The following AP4S1 variants were observed in gnomAD, a reference collection of about 807,000 sequenced individuals.
AP4S1 encodes the protein adaptor related protein complex 4 subunit sigma 1, also known as AP-4 complex subunit sigma-1.
AP4S1 carries 23 observed loss-of-function variants against 19.8 expected under a neutral mutation model. The ratio of observed to expected loss-of-function variants is 1.16; its 90% CI spans 0.84 to 1.65. The LOEUF (loss-of-function observed/expected upper bound fraction) is 1.65. Ranked by LOEUF, AP4S1 falls within the 40% of genes most tolerant of loss-of-function variation. The pLI is 0.00. For missense variants in AP4S1, 166 were observed against 172.8 expected (o/e 0.96, Z 0.22); for synonymous variants, 46 against 54.1 (o/e 0.85, Z 0.66).
intron 1 of AP4S1, chr14:31,027,406 T>G (rs906055090): frequency 6.6e-6 from 1 of 152,256 alleles, no homozygotes; most frequent in African/African-American, 2.4e-5. Context: ...CTCAAGCCTG[T>G]AATCCCAGCA....
intron 1 of AP4S1, among the ~76,000 whole-genome samples, chr14:31,031,170 G>A (rs1459399176): frequency 6.6e-6 from 1 of 152,082 alleles, no homozygotes; most frequent in Non-Finnish European, 1.5e-5. Flanking sequence ...TGCCATGATT[G>A]TAATTTTCCT....
intron 1 of AP4S1, among the ~76,000 whole-genome samples, chr14:31,034,609 A>ATTT (rs5807612): frequency 1.3e-4 from 13 of 103,948 alleles, no homozygotes; most frequent in Non-Finnish European, 1.5e-4. Flanking sequence ...TTTGTACTTA[A>ATTT]TTTTTTTTTT....
At chr14:31,049,213 A>G (rs1885595699) in intron 1 of AP4S1, among the ~76,000 whole-genome samples, 2 of 151,588 alleles carry the variant, frequency 1.3e-5, no homozygotes, top group Non-Finnish European at 2.9e-5. Flanking sequence ...GGAGATCGAG[A>G]CCATCCTGGC....
chr14:31,091,895 G>C (rs937591786), intron 5 of AP4S1, among the ~76,000 whole-genome samples: 1 of 152,194 alleles, frequency 6.6e-6, no homozygotes, highest in African/African-American at 2.4e-5. Flanking sequence ...AGTAGACAGA[G>C]AACTTCAGAT....
At chr14:31,026,598 C>T (rs1009055014) in intron 1 of AP4S1, 1 of 164,682 alleles carries the variant, frequency 6.1e-6, no homozygotes, top group African/African-American at 2.4e-5. Context: ...GGAAAGAGCT[C>T]GGGCTCCGCC....
In AP4S1 at chr14:31,092,903, G is replaced by A. The variant is rs190110220; in HGVS notation, c.307-4G>A. 3.4e-5 allele frequency: 51 copies of A among 1,509,508 alleles called. No homozygotes were observed. Among genetic ancestry groups the A allele is most frequent in the South Asian group, 2.2e-4 (17 of 76,240 alleles). 93.5% of individuals were successfully genotyped at this position (1,509,508 alleles called of 1,614,324 possible). ...TTAAACTAATTTCCTTAATATAACC[G>A]TAGATAATGTTTAATTTGGATAAAG... On this transcript the variant is annotated splice_region_variant and splice_polypyrimidine_tract_variant and intron_variant, in intron 5 of 5. Coordinates refer to ENST00000542754, the MANE Select transcript of AP4S1 (RefSeq NM_001128126.3).
chr14:31,073,299 G>T lies in AP4S1; in HGVS notation c.294+326G>T, dbSNP rs553807493. The T allele has an allele frequency of 2.9e-4, 79 of 270,874 alleles. 2 individuals are homozygous for T. The highest frequency in any genetic ancestry group is 2.9e-3 in the South Asian group (74 of 25,502). 16.8% of individuals were successfully genotyped at this position (270,874 alleles called of 1,614,324 possible). A position where few individuals can be genotyped will look rare whatever the true frequency, so the allele number is the denominator to read the frequency against. ...AGGTCAGGAGATGGAGACCATCCTG[G>T]CTAATACGGTGAAACCCCGTCTCTA... is the stretch of plus-strand genomic sequence containing the variant. On this transcript the variant is annotated intron_variant, in intron 4 of 5. Coordinates refer to ENST00000542754, the MANE Select transcript of AP4S1 (RefSeq NM_001128126.3).
chr14:31,083,070 A>G (rs57129755), intron 5 of AP4S1, among the ~76,000 whole-genome samples: 5,775 of 152,254 alleles, frequency 0.038, 355 homozygotes, highest in African/African-American at 0.13. Context: ...GATATGTATT[A>G]TAGTTGGATG....
chr14:31,049,472 T>C (rs369323572), intron 1 of AP4S1, among the ~76,000 whole-genome samples: 9,149 of 45,382 alleles, frequency 0.2, 712 homozygotes, highest in Non-Finnish European at 0.26. Context: ...TGTATATATA[T>C]GTACACACAC....
chr14:31,026,514 A>C, intron 1 of AP4S1: 1 of 272,182 alleles, frequency 3.7e-6, no homozygotes. Flanking sequence ...CTCACGCTTA[A>C]TCGCCAAATA....
At chr14:31,048,408 G>A (rs2139482100) in intron 1 of AP4S1, among the ~76,000 whole-genome samples, 1 of 152,024 alleles carries the variant, frequency 6.6e-6, no homozygotes, top group East Asian at 1.9e-4. Context: ...ACCATGCCTG[G>A]CCTATTTTTG....
intron 1 of AP4S1, among the ~76,000 whole-genome samples, chr14:31,030,015 C>G (rs964031888): frequency 8.6e-5 from 13 of 150,968 alleles, no homozygotes; most frequent in Non-Finnish European, 2.9e-5. Flanking sequence ...GGATCTCACT[C>G]TGTCACCCAG....
intron 1 of AP4S1, among the ~76,000 whole-genome samples, chr14:31,045,305 GT>G (rs1178992699): frequency 6.6e-6 from 1 of 152,102 alleles, no homozygotes; most frequent in Non-Finnish European, 1.5e-5. Context: ...TAGGCTTTGT[GT>G]CCCCACTCAA....
chr14:31,078,092 A>G (rs906050917), intron 4 of AP4S1, among the ~76,000 whole-genome samples: 1 of 152,154 alleles, frequency 6.6e-6, no homozygotes, highest in Non-Finnish European at 1.5e-5. Context: ...GTGGTCTGTG[A>G]TGTGGAAATG....
intron 1 of AP4S1, among the ~76,000 whole-genome samples, chr14:31,036,331 C>T (rs1219804446): frequency 1.3e-5 from 2 of 151,984 alleles, no homozygotes; most frequent in Non-Finnish European, 2.9e-5. Context: ...AATCTTTCCA[C>T]CTTGGCCTCC....
chr14:31,075,929 G>A (rs1594699315), intron 4 of AP4S1, among the ~76,000 whole-genome samples: 1 of 151,976 alleles, frequency 6.6e-6, no homozygotes, highest in East Asian at 1.9e-4. Flanking sequence ...AGTAGAGACG[G>A]GGTTTCTCCA....
chr14:31,049,440 T>C (rs1433064641), intron 1 of AP4S1, among the ~76,000 whole-genome samples: 2 of 54,068 alleles, frequency 3.7e-5, no homozygotes, highest in African/African-American at 2.0e-4. Context: ...TATATATATA[T>C]ATATATATAT....
Position 31,095,081 on chromosome 14 carries a change from C to G in AP4S1, c.*2046C>G, listed in dbSNP as rs114438582. 575 of 152,348 alleles carry G rather than the reference C, an allele frequency of 3.8e-3. No individual in the cohort carries two copies. The highest frequency in any genetic ancestry group is 0.013 in the African/African-American group (550 of 41,576). The allele number at this position is 152,348 out of a possible 1,614,324, so 9.4% of individuals were successfully genotyped here. On this transcript the variant is annotated 3_prime_UTR_variant, in exon 6 of 6. Coordinates refer to ENST00000542754, the MANE Select transcript of AP4S1 (RefSeq NM_001128126.3). ...TGGTGGTGAGCACCTGTACTCCTAA[C>G]TACTCAAGAGGCTGAGATGGGAGAA...
At chr14:31,082,504 G>A (rs1325209993) in intron 5 of AP4S1, among the ~76,000 whole-genome samples, 2 of 152,218 alleles carry the variant, frequency 1.3e-5, no homozygotes, top group African/African-American at 4.8e-5. Flanking sequence ...TTCACTGGGA[G>A]TAGAGAACTC....
Sources: gnomAD v4.1 joint callset for allele counts (sites outside exome capture counted in the v4.1 genomes callset) on GRCh38, gnomAD v4.1.1 for gene constraint, MANE v1.5 for transcripts, NCBI Gene and HGNC (gene_info 2026-07-23, HGNC 2026-07-21) for gene names.